Variants in SRP54 observed in about 807,000 individuals in gnomAD.
SRP54 encodes the protein signal recognition particle 54.
Under a neutral mutation model 64.8 loss-of-function variants are expected in SRP54, and 10 were observed. The ratio of observed to expected loss-of-function variants is 0.15; its 90% CI spans 0.10 to 0.26. The LOEUF (loss-of-function observed/expected upper bound fraction) is 0.26, where lower values mean the gene tolerates loss of function less well. SRP54 is among the 10% of genes least tolerant of loss of function. SRP54 has a pLI of 1.00. For missense variants in SRP54, 325 were observed against 613.7 expected, an observed-to-expected ratio of 0.53 and a Z score of 4.97; for synonymous variants, 193 against 185.6, an observed-to-expected ratio of 1.04 and a Z score of -0.32.
Position 35,013,497 on chromosome 14 carries a change from A to G in SRP54, c.785+3A>G. On this transcript the variant is annotated splice_donor_region_variant and intron_variant, in intron 9 of 15. Transcript: ENST00000216774. ...AAAGGAGGTGGTGCACTCAGTGCGT[A>G]AGTATCATTGATACTGTTGTCCTCT... 1 of 1,613,740 alleles carries G rather than the reference A, an allele frequency of 6.2e-7. No homozygotes were observed. The highest frequency in any genetic ancestry group is 8.5e-7 in the Non-Finnish European group (1 of 1,179,856).
chr14:35,028,334 A>G (rs941105679), intron 15 of SRP54, 151 bp downstream of exon 15: 4 of 527,122 alleles, frequency 7.6e-6, no homozygotes, highest in South Asian at 3.3e-5. Flanking sequence ...GTTGAATTCA[A>G]TTGTAATAGG....
At chr14:34,993,274 A>T (rs1239232779) in intron 1 of SRP54, 1 of 152,274 alleles carries the variant, frequency 6.6e-6, no homozygotes, top group Non-Finnish European at 1.5e-5. Context: ...GGTGAAGGAT[A>T]TAAACTGAAA....
intron 13 of SRP54, among the ~76,000 whole-genome samples, chr14:35,021,924 G>A (rs2044537060): frequency 1.3e-5 from 2 of 152,208 alleles, no homozygotes; most frequent in South Asian, 4.1e-4. Context: ...GAGATTGCAT[G>A]CAACTGAAGC....
At chr14:35,023,150 C>G (rs2139024407) in intron 14 of SRP54, 70 bp downstream of exon 14, 2 of 1,334,548 alleles carry the variant, frequency 1.5e-6, no homozygotes, top group Non-Finnish European at 2.1e-6. Flanking sequence ...AGAGTGCTGC[C>G]AGTATTGGAA....
At chr14:35,027,072 C>G (rs2044642800) in intron 14 of SRP54, among the ~76,000 whole-genome samples, 1 of 150,636 alleles carries the variant, frequency 6.6e-6, no homozygotes, top group Admixed American at 6.6e-5. Context: ...CTCTGTCGCC[C>G]AGGCTGGAGT....
Position 35,011,525 on chromosome 14 carries a change from C to T in SRP54, c.502C>T (p.Pro168Ser). 2 of 1,543,276 alleles carry T rather than the reference C, an allele frequency of 1.3e-6. No homozygotes were observed. The highest frequency in any genetic ancestry group is 1.8e-6 in the Non-Finnish European group (2 of 1,138,052). The change falls in exon 8 of 16, where the codon CCT becomes TCT. Residue 168 changes from proline (P) to serine (S), a missense_variant. Pro to Ser is a moderately conservative substitution (Grantham distance 74, BLOSUM62 -1). This residue lies in a region of SRP54 where 156 missense variants were observed against 254.6 expected (regional missense o/e 0.61). Coordinates refer to ENST00000216774, the MANE Select transcript of SRP54 (RefSeq NM_003136.4). ...GTTATATAGCTATACAGAAATGGAT[C>T]CTGTCATCATTGCTTCTGAAGGAGT... ...PFYGSYTEMDPVIIASEGVEK... is the reference protein window; with the variant it reads ...PFYGSYTEMDSVIIASEGVEK...
At chr14:35,025,764 C>G (rs927137300) in intron 14 of SRP54, among the ~76,000 whole-genome samples, 10 of 152,204 alleles carry the variant, frequency 6.6e-5, no homozygotes, top group Non-Finnish European at 1.2e-4. Context: ...ACATAATCTT[C>G]TCTTTCATTC....
chr14:35,005,635 ATCC>A (rs1241235737), intron 4 of SRP54, among the ~76,000 whole-genome samples: 1 of 151,902 alleles, frequency 6.6e-6, no homozygotes, highest in Non-Finnish European at 1.5e-5. Flanking sequence ...GTCTCAATGA[ATCC>A]TCCTCCTTTG....
chr14:35,002,367 A>G (rs1380874518), intron 4 of SRP54, among the ~76,000 whole-genome samples: 1 of 151,898 alleles, frequency 6.6e-6, no homozygotes, highest in East Asian at 1.9e-4. Context: ...AAAAAAACAA[A>G]CAAAAAAAAT....
intron 1 of SRP54, among the ~76,000 whole-genome samples, chr14:34,992,462 A>T (rs978146591): frequency 6.6e-6 from 1 of 152,192 alleles, no homozygotes; most frequent in Non-Finnish European, 1.5e-5. Flanking sequence ...AGGCAGCCAT[A>T]AAAAGAATGA....
At chr14:34,987,229 T>TG (rs1259567823) in intron 1 of SRP54, among the ~76,000 whole-genome samples, 13 of 42,974 alleles carry the variant, frequency 3.0e-4, no homozygotes, top group African/African-American at 9.9e-4. Context: ...ACACTACATC[T>TG]GAAAAAAAAA....
chr14:34,988,578 A>AAAAAAAAAAAAAATATATATATAT (rs1384552218), intron 1 of SRP54, among the ~76,000 whole-genome samples: 1 of 47,102 alleles, frequency 2.1e-5, no homozygotes, highest in African/African-American at 6.7e-5. Flanking sequence ...AAAAAAAAAA[A>AAAAAAAAAAAAAATATATATATAT]ATATATATAT....
At chr14:35,010,114 C>CG (rs2044331834) in intron 7 of SRP54, among the ~76,000 whole-genome samples, 2 of 151,676 alleles carry the variant, frequency 1.3e-5, no homozygotes, top group South Asian at 4.2e-4. Flanking sequence ...TGCCACTACC[C>CG]TTCAGCCTGG....
intron 4 of SRP54, among the ~76,000 whole-genome samples, chr14:35,002,467 CTG>C (rs2138986827): frequency 6.6e-6 from 1 of 150,450 alleles, no homozygotes; most frequent in Non-Finnish European, 1.5e-5. Context: ...GACTCTCCCT[CTG>C]TCACTCAGGC....
chr14:35,013,937 A>G (rs1232813699), intron 10 of SRP54, 35 bp downstream of exon 10: 5 of 1,390,444 alleles, frequency 3.6e-6, no homozygotes, highest in Non-Finnish European at 4.0e-6. Flanking sequence ...AAAAATCTCC[A>G]AGAAATACGA....
At chr14:35,011,093 T>G (rs1165299796) in intron 7 of SRP54, among the ~76,000 whole-genome samples, 4 of 145,330 alleles carry the variant, frequency 2.8e-5, no homozygotes, top group Non-Finnish European at 6.1e-5. Flanking sequence ...TGCCAGCTAG[T>G]TTTTTTTTTT....
intron 1 of SRP54, among the ~76,000 whole-genome samples, chr14:34,996,080 AG>A (rs1478212646): frequency 9.2e-4 from 138 of 150,770 alleles, no homozygotes; most frequent in African/African-American, 3.1e-3. Flanking sequence ...AAAAAAAAAA[AG>A]AGTAAAATAA....
chr14:35,025,572 T>C (rs1434821450), intron 14 of SRP54, among the ~76,000 whole-genome samples: 1 of 152,192 alleles, frequency 6.6e-6, no homozygotes, highest in African/African-American at 2.4e-5. Context: ...AATAAAGGAA[T>C]AACCCAAGAT....
chr14:35,025,509 G>C (rs1478515377), intron 14 of SRP54, among the ~76,000 whole-genome samples: 4 of 152,134 alleles, frequency 2.6e-5, no homozygotes, highest in Non-Finnish European at 5.9e-5. Flanking sequence ...AGTCCTGACT[G>C]TTCTTGATAG....
Sources: gnomAD v4.1 joint callset for allele counts (sites outside exome capture counted in the v4.1 genomes callset) on GRCh38, gnomAD v4.1.1 for gene constraint, gnomAD v4.1.1 regional missense constraint, MANE v1.5 for transcripts, NCBI Gene and HGNC (gene_info 2026-07-23, HGNC 2026-07-21) for gene names.